Variants in TPST1 observed in about 807,000 individuals in gnomAD.
TPST1 encodes the protein protein-tyrosine sulfotransferase 1.
In TPST1, 20 loss-of-function variants were observed where a neutral mutation model predicts 34.8. The ratio of observed to expected loss-of-function variants is 0.57; its 90% CI spans 0.40 to 0.84. The LOEUF (loss-of-function observed/expected upper bound fraction) is 0.84. Among genes scored for constraint, TPST1 ranks in the 40% least tolerant of loss-of-function variants. TPST1 has a pLI of 0.00. For synonymous variants in TPST1, 152 were observed against 159.4 expected (o/e 0.95, Z 0.35); for missense variants, 353 against 455.5 (o/e 0.78, Z 2.05).
At chr7:66,229,066 T>C (rs889878230) in intron 1 of TPST1, among the ~76,000 whole-genome samples, 5 of 152,104 alleles carry the variant, frequency 3.3e-5, no homozygotes, top group Non-Finnish European at 7.4e-5. Flanking sequence ...CACTGATCTA[T>C]AGTTTTGTCT....
chr7:66,297,802 T>A (rs1172917513), intron 3 of TPST1, among the ~76,000 whole-genome samples: 1 of 152,230 alleles, frequency 6.6e-6, no homozygotes, highest in Non-Finnish European at 1.5e-5. Flanking sequence ...AATGAATGCA[T>A]ACTTGTGTTT....
At chr7:66,328,886 C>CTCTATATATA (rs757168858) in intron 3 of TPST1, among the ~76,000 whole-genome samples, 41 of 22,086 alleles carry the variant, frequency 1.9e-3, no homozygotes, top group Non-Finnish European at 2.4e-3. Context: ...CTCTCTCTCT[C>CTCTATATATA]TATATATATA....
chr7:66,245,605 G>T (rs1314261145), intron 2 of TPST1, among the ~76,000 whole-genome samples: 1 of 152,216 alleles, frequency 6.6e-6, no homozygotes, highest in Non-Finnish European at 1.5e-5. Context: ...AGGTTCAGGA[G>T]CCTGACTGAA....
intron 3 of TPST1, among the ~76,000 whole-genome samples, chr7:66,296,255 CCCT>C (rs869058496): frequency 3.1e-4 from 12 of 38,972 alleles, no homozygotes; most frequent in Non-Finnish European, 3.9e-4. Flanking sequence ...CTTCCCCCCC[CCCT>C]CCCCCACCGT....
At chr7:66,322,876 A>G (rs888168393) in intron 3 of TPST1, among the ~76,000 whole-genome samples, 1 of 97,424 alleles carries the variant, frequency 1.0e-5, no homozygotes. Context: ...GTGGTGCACA[A>G]AGGTTCCAGT....
rs578213704 is a variant in TPST1 at position 66,271,965 on chromosome 7, C to T, written c.846-14546C>T. Among the ~76,000 whole-genome samples the T allele has an allele frequency of 5.3e-5, 8 of 152,284 alleles. No individual in the cohort carries two copies. The South Asian group carries it at 1.2e-3, about 24-fold the overall frequency. ...TACAGAAAAAATTTGCTGACATACACTCTAGTAGATTCTTCAGAAAGTGTC... is the reference window on the plus strand; with the variant it reads ...TACAGAAAAAATTTGCTGACATACATTCTAGTAGATTCTTCAGAAAGTGTC... On this transcript the variant is annotated intron_variant, in intron 2 of 5. Coordinates refer to ENST00000304842, the MANE Select transcript of TPST1 (RefSeq NM_003596.4).
chr7:66,200,513 G>C (rs558703924), upstream of TPST1, among the ~76,000 whole-genome samples: 46 of 147,106 alleles, frequency 3.1e-4, no homozygotes, highest in Admixed American at 1.3e-3. Flanking sequence ...TCCGCCTCCG[G>C]GATTCACGCC....
chr7:66,285,093 A>G (rs757208933), intron 2 of TPST1, among the ~76,000 whole-genome samples: 2 of 152,178 alleles, frequency 1.3e-5, no homozygotes, highest in Middle Eastern at 3.2e-3. Context: ...CAGTCATGAC[A>G]TACAAGACTC....
intron 1 of TPST1, among the ~76,000 whole-genome samples, chr7:66,217,970 C>T (rs1466405105): frequency 6.6e-6 from 1 of 151,980 alleles, no homozygotes; most frequent in East Asian, 1.9e-4. Flanking sequence ...ACCTCTGCCT[C>T]CCGGATTCAA....
intron 1 of TPST1, among the ~76,000 whole-genome samples, chr7:66,231,631 G>A (rs981145011): frequency 6.6e-6 from 1 of 152,238 alleles, no homozygotes; most frequent in Non-Finnish European, 1.5e-5. Context: ...CAGCTGCTCC[G>A]AGTGCGGGGC....
intron 1 of TPST1, among the ~76,000 whole-genome samples, chr7:66,230,522 C>T (rs1789759060): frequency 6.6e-6 from 1 of 152,042 alleles, no homozygotes; most frequent in African/African-American, 2.4e-5. Context: ...AGCTGCAGAC[C>T]TTCACGGTGA....
chr7:66,235,774 GACATCAATCAATATATGTAAGA>G (rs1475775673), intron 1 of TPST1, among the ~76,000 whole-genome samples: 1 of 152,128 alleles, frequency 6.6e-6, no homozygotes, highest in Admixed American at 6.5e-5. Flanking sequence ...GGAGACATGA[GACATCAATCAATATATGTAAGA>G]AGTACATTGG....
intron 1 of TPST1, among the ~76,000 whole-genome samples, chr7:66,216,869 G>A (rs1286318949): frequency 2.0e-5 from 3 of 152,188 alleles, no homozygotes; most frequent in African/African-American, 7.2e-5. Context: ...TCATAGCACT[G>A]CTTTTGCTGC....
upstream of TPST1, among the ~76,000 whole-genome samples, chr7:66,200,830 G>T (rs577381546): frequency 8.0e-5 from 12 of 150,682 alleles, no homozygotes; most frequent in African/African-American, 2.9e-4. Flanking sequence ...GAGTTCAAGC[G>T]ATTCTCCTGC....
intron 2 of TPST1, among the ~76,000 whole-genome samples, chr7:66,272,642 G>A (rs941119380): frequency 3.3e-5 from 5 of 151,116 alleles, no homozygotes; most frequent in Admixed American, 1.3e-4. Flanking sequence ...AGGTTGGAAG[G>A]CAGTAGTGCA....
intron 3 of TPST1, among the ~76,000 whole-genome samples, chr7:66,313,269 G>T (rs1424559276): frequency 6.6e-6 from 1 of 152,010 alleles, no homozygotes; most frequent in Non-Finnish European, 1.5e-5. Context: ...CAAAAAATTA[G>T]CTGGGTGTGG....
chr7:66,278,333 A>T (rs544806225), intron 2 of TPST1, among the ~76,000 whole-genome samples: 168 of 152,090 alleles, frequency 1.1e-3, no homozygotes, highest in Non-Finnish European at 2.0e-3. Context: ...CTTTTAACTG[A>T]GATTAGAAGG....
At chr7:66,211,977 A>G (rs1156421400) in intron 1 of TPST1, among the ~76,000 whole-genome samples, 1 of 152,144 alleles carries the variant, frequency 6.6e-6, no homozygotes, top group African/African-American at 2.4e-5. Context: ...AAAGAAACAA[A>G]CAAAAAAACC....
chr7:66,265,688 C>T (rs946654353), intron 2 of TPST1, among the ~76,000 whole-genome samples: 1 of 152,160 alleles, frequency 6.6e-6, no homozygotes, highest in African/African-American at 2.4e-5. Context: ...CAGAGATTCA[C>T]AGCTAGACAC....
Sources: allele counts gnomAD v4.1 joint callset (sites outside exome capture counted in the v4.1 genomes callset), GRCh38; gene constraint gnomAD v4.1.1; transcripts MANE v1.5; gene names NCBI Gene and HGNC (gene_info 2026-07-23, HGNC 2026-07-21).